The following SCGN variants were observed in gnomAD, a reference collection of about 807,000 sequenced individuals.
SCGN encodes the protein secretagogin.
A neutral mutation model predicts 39.7 loss-of-function variants in SCGN; 30 were observed. The observed-to-expected ratio is 0.76, with a 90% CI of 0.57 to 1.03. The LOEUF (loss-of-function observed/expected upper bound fraction) is 1.03, where lower values mean the gene tolerates loss of function less well. SCGN is among the 50% of genes least tolerant of loss of function. The pLI is 0.00. For missense variants in SCGN, 353 were observed against 349.4 expected, an observed-to-expected ratio of 1.01 and a Z score of -0.08; for synonymous variants, 106 against 114.1, an observed-to-expected ratio of 0.93 and a Z score of 0.45.
intron 2 of SCGN, among the ~76,000 whole-genome samples, chr6:25,657,755 C>T (rs945831061): frequency 6.7e-6 from 1 of 149,982 alleles, no homozygotes; most frequent in Non-Finnish European, 1.5e-5. Flanking sequence ...GTTTTCCAAG[C>T]TAGGGTAGCC....
intron 6 of SCGN, among the ~76,000 whole-genome samples, chr6:25,675,374 A>G (rs1441410712): frequency 6.6e-6 from 1 of 152,230 alleles, no homozygotes; most frequent in African/African-American, 2.4e-5. Context: ...AGGCAAACCT[A>G]GATAATGGAC....
chr6:25,653,414 G>A lies in SCGN; in HGVS notation c.115G>A (p.Ala39Thr), dbSNP rs1561758480. The A allele has an allele frequency of 6.2e-7, 1 of 1,613,156 alleles. No homozygotes were observed. Reference protein sequence around the residue: ...KGYIEEKELDAFFLHMLMKLG... With the variant: ...KGYIEEKELDTFFLHMLMKLG... ...TTACATAGAAGAGAAGGAACTCGAT[G>A]CTTTCTTTCTCCACATGTTGATGAA... is the stretch of plus-strand genomic sequence containing the variant. Residue 39 changes from alanine to threonine, a missense_variant, in exon 2 of 11, where the codon GCT becomes ACT. Ala to Thr is a moderately conservative substitution (Grantham distance 58). Coordinates refer to ENST00000377961, the MANE Select transcript of SCGN (RefSeq NM_006998.4).
At chr6:25,681,809 T>C (rs1169806458) in intron 6 of SCGN, 142 bp from the exon 7 acceptor site, 3 of 673,318 alleles carry the variant, frequency 4.5e-6, no homozygotes, top group Non-Finnish European at 8.0e-6. Flanking sequence ...CTGTGACAAA[T>C]ACTAATTTTC....
chr6:25,694,706 C>T (rs919978998), intron 10 of SCGN, among the ~76,000 whole-genome samples: 1 of 152,194 alleles, frequency 6.6e-6, no homozygotes, highest in Non-Finnish European at 1.5e-5. Flanking sequence ...AAGGTGCATA[C>T]GTTTACTGTG....
chr6:25,665,733 CCATTTAGGAGAT>C (rs1361284621), intron 4 of SCGN, among the ~76,000 whole-genome samples: 1 of 152,174 alleles, frequency 6.6e-6, no homozygotes, highest in Non-Finnish European at 1.5e-5. Flanking sequence ...TACCATGTCC[CCATTTAGGAGAT>C]AAAAAGTTTT....
In SCGN at chr6:25,652,548, A is replaced by C. The variant is rs575403723; in HGVS notation, c.82+63A>C. 65 of 1,499,216 alleles carry C rather than the reference A, an allele frequency of 4.3e-5. No individual in the cohort carries two copies. The East Asian group carries it at 1.4e-3, about 32-fold the overall frequency. 92.9% of individuals were successfully genotyped at this position (1,499,216 alleles called of 1,614,324 possible). On this transcript the variant is annotated intron_variant, in intron 1 of 10. Transcript: ENST00000377961. ...CGTGGCTCCAAGCTCAGCCCGCTGA[A>C]AGGACCTGGAGTTTCCCCTTTACTG... is the stretch of plus-strand genomic sequence containing the variant.
chr6:25,679,973 T>C (rs1373711852), intron 6 of SCGN, among the ~76,000 whole-genome samples: 1 of 152,214 alleles, frequency 6.6e-6, no homozygotes, highest in Non-Finnish European at 1.5e-5. Flanking sequence ...GTGACAGATA[T>C]ACTTAGATTA....
chr6:25,661,627 C>A lies in SCGN; in HGVS notation c.229C>A (p.Arg77Ser). The stretch of plus-strand genomic sequence containing the variant: ...TACCCAAGATGCCTCTAAAGATGGT[C>A]GCATTCGGATGAAAGAGGTAACTTT... ...MTTQDASKDG[R>S]IRMKELAGMF... Residue 77 changes from arginine to serine, a missense_variant, in exon 3 of 11, where the codon CGC (arginine) becomes AGC (serine). Coordinates refer to ENST00000377961, the MANE Select transcript of SCGN (RefSeq NM_006998.4). 1 of 1,612,132 alleles carries A rather than the reference C, an allele frequency of 6.2e-7. No individual in the cohort carries two copies. Among genetic ancestry groups the A allele is most frequent in the South Asian group, 1.1e-5 (1 of 90,932 alleles).
intron 6 of SCGN, among the ~76,000 whole-genome samples, chr6:25,670,641 T>G (rs967253451): frequency 6.6e-6 from 1 of 152,266 alleles, no homozygotes; most frequent in Non-Finnish European, 1.5e-5. Flanking sequence ...TTAATGCATA[T>G]GAAGCACTTG....
Position 25,701,190 on chromosome 6 carries a change from A to G in SCGN, c.703-17A>G, listed in dbSNP as rs762431902. ...CCATTGGCTTGCCTGTTAACATGTT[A>G]CTTTTGTCGCCCTCAGCCCAGCATC... On this transcript the variant is annotated splice_polypyrimidine_tract_variant and intron_variant, in intron 10 of 10. Transcript: ENST00000377961. The G allele has an allele frequency of 1.7e-4, 271 of 1,602,616 alleles. 1 individual carries two copies. The highest frequency in any genetic ancestry group is 2.2e-4 in the Non-Finnish European group (261 of 1,174,782).
Position 25,684,461 on chromosome 6 carries a change from G to A in SCGN, c.527+2455G>A, listed in dbSNP as rs530481926. Among the ~76,000 whole-genome samples the A allele has an allele frequency of 4.6e-5, 7 of 152,156 alleles. No homozygotes were observed. In the South Asian group the frequency reaches 6.2e-4, roughly 14 times the overall value. ...GTGTATTTCAAAACCAGTTTGATAC[G>A]GAATTTGAAAATGTGAACTGTGGTA... On this transcript the variant is annotated intron_variant, in intron 7 of 10. Coordinates refer to ENST00000377961, the MANE Select transcript of SCGN (RefSeq NM_006998.4).
intron 10 of SCGN, among the ~76,000 whole-genome samples, chr6:25,693,293 T>C (rs567143952): frequency 6.6e-6 from 1 of 151,236 alleles, no homozygotes; most frequent in East Asian, 1.9e-4. Context: ...CTACTAAAAA[T>C]ACAAAAAAAT....
intron 7 of SCGN, among the ~76,000 whole-genome samples, chr6:25,685,488 A>G (rs77197878): frequency 0.022 from 3,324 of 152,236 alleles, 51 homozygotes; most frequent in African/African-American, 0.046. Context: ...TCTGTCTTCT[A>G]ATTGGCTCAA....
chr6:25,688,783 C>CAGAG (rs1759737624), intron 7 of SCGN, among the ~76,000 whole-genome samples: 2 of 130,226 alleles, frequency 1.5e-5, no homozygotes. Flanking sequence ...GCCTGGGCGA[C>CAGAG]AGAGAGAGAT....
intron 7 of SCGN, 99 bp downstream of exon 7, chr6:25,682,105 C>A: frequency 1.2e-6 from 1 of 867,664 alleles, no homozygotes; most frequent in Non-Finnish European, 1.9e-6. Context: ...CAAGCCTCAC[C>A]TGGAGTCTAA....
Position 25,669,574 on chromosome 6 carries a change from G to A in SCGN, c.393+7G>A. 2 of 1,611,294 alleles carry A rather than the reference G, an allele frequency of 1.2e-6. No homozygotes were observed. The highest frequency in any genetic ancestry group is 1.3e-5 in the African/African-American group (1 of 75,038). Reference sequence around the variant, plus strand: ...ATCAGCTGCTGAGCTCCGCGTGAGTGTCACTGGGTGAAGGGTGGGTTTGTT... The same window carrying A: ...ATCAGCTGCTGAGCTCCGCGTGAGTATCACTGGGTGAAGGGTGGGTTTGTT... On this transcript the variant is annotated splice_region_variant and intron_variant, in intron 5 of 10. Coordinates refer to ENST00000377961, the MANE Select transcript of SCGN (RefSeq NM_006998.4).
In SCGN at chr6:25,701,396, A is replaced by G. The variant is rs149941888; in HGVS notation, c.*61A>G. 631 of 1,577,464 alleles carry G rather than the reference A, an allele frequency of 4.0e-4. 2 individuals carry two copies. In the African/African-American group the frequency reaches 6.8e-3, roughly 17 times the overall value. On this transcript the variant is annotated 3_prime_UTR_variant, in exon 11 of 11. Transcript: ENST00000377961. ...TCTGTGATCTTGCTGGTAGAATTGT[A>G]TCTGTGCATTGATGTTGGGAACACA...
chr6:25,653,047 C>T (rs7771426), intron 1 of SCGN, among the ~76,000 whole-genome samples: 2,514 of 152,274 alleles, frequency 0.017, 64 homozygotes, highest in African/African-American at 0.056. Context: ...GGATTCAATA[C>T]TTACACCTGT....
chr6:25,691,291 G>A (rs910619418), intron 10 of SCGN, among the ~76,000 whole-genome samples, 167 bp downstream of exon 10: 2 of 152,056 alleles, frequency 1.3e-5, no homozygotes, highest in Non-Finnish European at 2.9e-5. Flanking sequence ...AACCTCCCTC[G>A]CTTTCTTAAG....
Sources: gnomAD v4.1 joint callset for allele counts (sites outside exome capture counted in the v4.1 genomes callset) on GRCh38, gnomAD v4.1.1 for gene constraint, MANE v1.5 for transcripts, NCBI Gene and HGNC (gene_info 2026-07-23, HGNC 2026-07-21) for gene names.